DCLK2: variants seen among roughly 807,000 people sequenced by gnomAD.
The protein encoded by DCLK2 is serine/threonine-protein kinase DCLK2.
In DCLK2, 31 loss-of-function variants were observed where a neutral mutation model predicts 78.4. The observed-to-expected ratio is 0.40, with a 90% CI of 0.30 to 0.53. The LOEUF (loss-of-function observed/expected upper bound fraction) is 0.53, where lower values mean the gene tolerates loss of function less well. Ranked by LOEUF, DCLK2 falls within the 20% of genes least tolerant of loss-of-function variation. The probability of loss-of-function intolerance (pLI) is 0.61; values close to 1 mark genes in which losing one functional copy is unlikely to be tolerated. For synonymous variants in DCLK2, 407 were observed against 374.9 expected (o/e 1.09, Z -0.99); for missense variants, 872 against 973.7 (o/e 0.90, Z 1.39).
chr4:150,090,385 T>C (rs1261152072), intron 1 of DCLK2, among the ~76,000 whole-genome samples: 1 of 152,180 alleles, frequency 6.6e-6, no homozygotes, highest in Non-Finnish European at 1.5e-5. Context: ...CACTCCAGCC[T>C]GGGCAACAAG....
chr4:150,245,595 C>T (rs1743245546), intron 12 of DCLK2, among the ~76,000 whole-genome samples: 1 of 152,060 alleles, frequency 6.6e-6, no homozygotes, highest in Admixed American at 6.6e-5. Context: ...TCAATTCCCA[C>T]CTATGAGTGA....
intron 2 of DCLK2, among the ~76,000 whole-genome samples, chr4:150,107,413 C>T (rs116327521): frequency 0.026 from 3,596 of 139,798 alleles, 127 homozygotes; most frequent in African/African-American, 0.088. Context: ...GAATCTCACT[C>T]TGTCACCCAG....
intron 2 of DCLK2, among the ~76,000 whole-genome samples, chr4:150,164,975 A>T (rs999425564): frequency 6.6e-6 from 1 of 152,210 alleles, no homozygotes; most frequent in Non-Finnish European, 1.5e-5. Context: ...GATTTTGAGC[A>T]CACCAATTTA....
chr4:150,256,206 G>C lies in DCLK2; in HGVS notation c.2260G>C (p.Gly754Arg). 6.5e-7 allele frequency: 1 copy of C among 1,540,296 alleles called. No homozygotes were observed. The highest frequency in any genetic ancestry group is 8.7e-7 in the Non-Finnish European group (1 of 1,143,708). The change falls in exon 16 of 16, where the codon GGT becomes CGT. Residue 754 changes from glycine (G) to arginine (R), a missense_variant. Gly to Arg is a moderately radical substitution (Grantham distance 125, BLOSUM62 -2). Coordinates refer to ENST00000296550, the MANE Select transcript of DCLK2 (RefSeq NM_001040260.4). ...CCCCCACCCTCCTCCCGCTGCCCCG[G>C]GTGGTGAGCGGGCAGGAACCTGGCG... ...PTPHPPPAAPGGERAGTWRRH... is the reference protein window; with the variant it reads ...PTPHPPPAAPRGERAGTWRRH...
intron 7 of DCLK2, among the ~76,000 whole-genome samples, chr4:150,222,033 C>A (rs537243544): frequency 6.6e-6 from 1 of 151,124 alleles, no homozygotes; most frequent in Non-Finnish European, 1.5e-5. Flanking sequence ...ACTCTGTTAC[C>A]CAGGCTAGAG....
chr4:150,113,648 G>C (rs1270520495), intron 2 of DCLK2, among the ~76,000 whole-genome samples: 1 of 147,102 alleles, frequency 6.8e-6, no homozygotes, highest in African/African-American at 2.5e-5. Context: ...TCTTTTATTG[G>C]TTAATCTAGC....
chr4:150,126,169 A>G (rs939496888), intron 2 of DCLK2, among the ~76,000 whole-genome samples: 1 of 151,696 alleles, frequency 6.6e-6, no homozygotes, highest in African/African-American at 2.4e-5. Flanking sequence ...CCATTCTTAC[A>G]GTGTTTGTGA....
chr4:150,205,976 A>C (rs1180491542), intron 5 of DCLK2, among the ~76,000 whole-genome samples: 1 of 152,148 alleles, frequency 6.6e-6, no homozygotes, highest in African/African-American at 2.4e-5. Context: ...GGTCTTGGTC[A>C]CTTCCCCATT....
chr4:150,256,401 C>T lies in DCLK2; in HGVS notation c.*154C>T, dbSNP rs1005631200. 5.7e-6 allele frequency: 6 copies of T among 1,053,530 alleles called. No individual in the cohort carries two copies. The highest frequency in any genetic ancestry group is 1.7e-5 in the South Asian group (1 of 57,340). 65.3% of individuals were successfully genotyped at this position (1,053,530 alleles called of 1,614,324 possible). On this transcript the variant is annotated 3_prime_UTR_variant, in exon 16 of 16. Transcript: ENST00000296550. ...AGGCCGCCTGGGAACCGGAGCCTGG[C>T]GTGCCGGAGCCTGGCCTGGTGCTCT...
chr4:150,235,342 C>A (rs1742413819), intron 10 of DCLK2, among the ~76,000 whole-genome samples: 1 of 152,152 alleles, frequency 6.6e-6, no homozygotes, highest in African/African-American at 2.4e-5. Flanking sequence ...TTTTTCACTT[C>A]TTCAGGAGAA....
At chr4:150,136,574 C>A (rs769711034) in intron 2 of DCLK2, among the ~76,000 whole-genome samples, 4 of 152,172 alleles carry the variant, frequency 2.6e-5, no homozygotes, top group African/African-American at 9.7e-5. Flanking sequence ...TCACTGTGAG[C>A]AAGTAGCAAG....
intron 12 of DCLK2, among the ~76,000 whole-genome samples, chr4:150,247,147 T>C (rs1037790587): frequency 8.6e-5 from 13 of 152,016 alleles, no homozygotes; most frequent in African/African-American, 1.2e-4. Context: ...CTGATTTTTT[T>C]CCCCCCAAAA....
chr4:150,089,801 C>T (rs1729917393), intron 1 of DCLK2, among the ~76,000 whole-genome samples: 1 of 152,206 alleles, frequency 6.6e-6, no homozygotes, highest in Non-Finnish European at 1.5e-5. Flanking sequence ...AGATACTCTG[C>T]TCAAACTAAA....
intron 2 of DCLK2, among the ~76,000 whole-genome samples, chr4:150,192,516 T>C (rs1262254133): frequency 6.8e-6 from 1 of 146,272 alleles, no homozygotes; most frequent in Non-Finnish European, 1.5e-5. Flanking sequence ...TGAGACCACA[T>C]ATTTAGATAT....
At chr4:150,091,768 TA>T (rs1440845187) in intron 1 of DCLK2, among the ~76,000 whole-genome samples, 4 of 42,532 alleles carry the variant, frequency 9.4e-5, no homozygotes, top group African/African-American at 3.3e-4. Context: ...AAGGAACATT[TA>T]TGTGTGTGTG....
In DCLK2 at chr4:150,239,845, A is replaced by T; in HGVS notation, c.1670A>T (p.Tyr557Phe). 2 of 1,614,184 alleles carry T rather than the reference A, an allele frequency of 1.2e-6. No homozygotes were observed. Among genetic ancestry groups the T allele is most frequent in the Non-Finnish European group, 1.7e-6 (2 of 1,180,032 alleles). The change falls in exon 11 of 16, where the codon TAT becomes TTT. Residue 557 changes from tyrosine to phenylalanine, a missense_variant. Transcript: ENST00000296550. ...TACACAGTCTGTGGCACACCCACTT[A>T]TGTGGCTCCAGAAATCATTGCTGAA... ...PLYTVCGTPTYVAPEIIAETG... is the reference protein window; with the variant it reads ...PLYTVCGTPTFVAPEIIAETG...
chr4:150,113,073 A>C (rs1731813566), intron 2 of DCLK2, among the ~76,000 whole-genome samples: 1 of 152,054 alleles, frequency 6.6e-6, no homozygotes, highest in Non-Finnish European at 1.5e-5. Flanking sequence ...GGCCTCCCAA[A>C]GTGCTGGGAA....
chr4:150,230,143 T>G (rs1741929566), intron 8 of DCLK2, among the ~76,000 whole-genome samples: 1 of 152,202 alleles, frequency 6.6e-6, no homozygotes, highest in African/African-American at 2.4e-5. Flanking sequence ...TATTAGCCAT[T>G]GTCAAGTAGA....
intron 5 of DCLK2, among the ~76,000 whole-genome samples, chr4:150,211,163 G>A (rs1267860119): frequency 6.6e-6 from 1 of 152,134 alleles, no homozygotes; most frequent in Non-Finnish European, 1.5e-5. Flanking sequence ...GGGAATGGAG[G>A]ATCCCCCTCT....
Sources: gnomAD v4.1 joint callset for allele counts (sites outside exome capture counted in the v4.1 genomes callset) on GRCh38, gnomAD v4.1.1 for gene constraint, MANE v1.5 for transcripts, NCBI Gene and HGNC (gene_info 2026-07-23, HGNC 2026-07-21) for gene names.